The following LINC00237 variants were observed in gnomAD, a reference collection of about 807,000 sequenced individuals.
LINC00237 encodes the protein long intergenic non-protein coding RNA 237.
At chr20:21,104,668 T>C (rs906928653) in intron 1 of LINC00237, among the ~76,000 whole-genome samples, 54 of 152,198 alleles carry the variant, frequency 3.5e-4, no homozygotes, top group African/African-American at 1.2e-3. Flanking sequence ...AAGGGTTTTG[T>C]GTGTTCCAAA....
At chr20:21,098,810 A>T (rs1302754215) in intron 1 of LINC00237, among the ~76,000 whole-genome samples, 1 of 152,254 alleles carries the variant, frequency 6.6e-6, no homozygotes, top group Non-Finnish European at 1.5e-5. Context: ...GGTGCAGAAC[A>T]ATTCCAGGGT....
chr20:21,095,131 T>C (rs771230990), intron 1 of LINC00237, among the ~76,000 whole-genome samples: 7 of 152,174 alleles, frequency 4.6e-5, no homozygotes, highest in Non-Finnish European at 4.4e-5. Context: ...GTGGCTTGCT[T>C]TGACCAGTAG....
chr20:21,104,066 C>T (rs1160834007), intron 1 of LINC00237, among the ~76,000 whole-genome samples: 1 of 149,676 alleles, frequency 6.7e-6, no homozygotes, highest in Non-Finnish European at 1.5e-5. Context: ...CTAGGACCTT[C>T]CCAGTCCAGC....
At chr20:21,094,077 A>G (rs2030825238) in intron 1 of LINC00237, among the ~76,000 whole-genome samples, 2 of 152,224 alleles carry the variant, frequency 1.3e-5, no homozygotes, top group Non-Finnish European at 2.9e-5. Context: ...TCCAGTGAGA[A>G]CAAATTTGGC....
chr20:21,086,893 CT>C (rs1274958012), intron 3 of LINC00237, among the ~76,000 whole-genome samples: 1 of 131,092 alleles, frequency 7.6e-6, no homozygotes, highest in Non-Finnish European at 1.6e-5. Flanking sequence ...TATATATGTA[CT>C]ATATATAGTA....
chr20:21,103,765 C>A (rs2030962862), intron 1 of LINC00237, among the ~76,000 whole-genome samples: 1 of 152,196 alleles, frequency 6.6e-6, no homozygotes, highest in Non-Finnish European at 1.5e-5. Flanking sequence ...GGTAGCACCG[C>A]TGGCGTCCTG....
chr20:21,105,767 C>A (rs2030990967), intron 1 of LINC00237, among the ~76,000 whole-genome samples: 1 of 152,226 alleles, frequency 6.6e-6, no homozygotes. Context: ...TTGCGGGCGT[C>A]TCTCTGCCTC....
At chr20:21,086,685 A>ATATGTATAGTATAATATATATGTATAG (rs374333750) in intron 3 of LINC00237, among the ~76,000 whole-genome samples, 1 of 94,978 alleles carries the variant, frequency 1.1e-5, no homozygotes, top group Non-Finnish European at 1.9e-5. Context: ...AGTATACTAC[A>ATATGTATAGTATAATATATATGTATAG]TATACATATG....
rs927653871 is a variant in LINC00237, at chr20:21,101,863, G to T, written n.88+4408C>A. On this transcript the variant is annotated intron_variant and non_coding_transcript_variant, in intron 1 of 3. Coordinates refer to ENST00000691244, the Ensembl canonical transcript of LINC00237. The surrounding 1 kb of genome is among the most constrained non-coding windows in gnomAD (Gnocchi z 4.3). ...GTGCAGGGGCCAGAGGCTGGCGGGG[G>T]CACGCGGGGGTGGTTGGGGGCGGAG... 2.0e-5 allele frequency among the ~76,000 whole-genome samples: 3 copies of T among 152,114 alleles called. No individual in the cohort carries two copies. The highest frequency in any genetic ancestry group is 7.2e-5 in the African/African-American group (3 of 41,442).
intron 1 of LINC00237, among the ~76,000 whole-genome samples, chr20:21,103,325 G>A (rs2030957642): frequency 1.3e-5 from 2 of 151,936 alleles, no homozygotes; most frequent in Admixed American, 1.3e-4. Flanking sequence ...CCATCTCAAA[G>A]TTGGCGGGTG....
At position 21,091,363 on chromosome 20, in the gene LINC00237, A is replaced by T. The variant is rs150401214; in HGVS notation, n.472+2106T>A. On this transcript the variant is annotated intron_variant and non_coding_transcript_variant, in intron 2 of 3. Transcript: ENST00000691244. ...CAAACCACTGCACAGGACCATTTTA[A>T]TCTTTCATTACAGACACTTCTATGG... Among the ~76,000 whole-genome samples the T allele has an allele frequency of 2.6e-4, 40 of 152,292 alleles. 2 individuals carry two copies. The East Asian group carries it at 6.9e-3, about 26-fold the overall frequency.
chr20:21,086,367 C>T (rs868576469), intron 3 of LINC00237, among the ~76,000 whole-genome samples: 1 of 151,618 alleles, frequency 6.6e-6, no homozygotes, highest in Non-Finnish European at 1.5e-5. Context: ...AAAGGAACTT[C>T]GTTTGATATT....
chr20:21,092,630 T>C (rs1204976986), intron 2 of LINC00237, among the ~76,000 whole-genome samples: 1 of 152,156 alleles, frequency 6.6e-6, no homozygotes, highest in Non-Finnish European at 1.5e-5. Flanking sequence ...CACCAAAAGA[T>C]TCTTTTCAAT....
intron 1 of LINC00237, among the ~76,000 whole-genome samples, chr20:21,095,263 C>T (rs1023372821): frequency 2.6e-5 from 4 of 152,090 alleles, no homozygotes; most frequent in Non-Finnish European, 5.9e-5. Context: ...TGCTAGGGTA[C>T]AGAATGATTA....
intron 1 of LINC00237, among the ~76,000 whole-genome samples, chr20:21,102,656 A>G (rs2030946480): frequency 6.6e-6 from 1 of 151,342 alleles, no homozygotes; most frequent in African/African-American, 2.4e-5. Flanking sequence ...CCCTTGGCAC[A>G]GAAGAACGGA....
chr20:21,089,959 A>G (rs545562308), intron 2 of LINC00237: 1 of 152,356 alleles, frequency 6.6e-6, no homozygotes, highest in African/African-American at 2.4e-5. Flanking sequence ...AATGAAATAC[A>G]GCAATACAAA....
intron 2 of LINC00237, among the ~76,000 whole-genome samples, chr20:21,091,619 T>C (rs1420228753): frequency 6.6e-6 from 1 of 152,188 alleles, no homozygotes; most frequent in Non-Finnish European, 1.5e-5. Flanking sequence ...TGGAGAAGGT[T>C]TAACGACTCC....
intron 2 of LINC00237, chr20:21,093,367 A>G (rs1157195506): frequency 6.6e-6 from 1 of 152,224 alleles, no homozygotes; most frequent in African/African-American, 2.4e-5. Flanking sequence ...CAGTAGGAGC[A>G]TCTGAGGAAG....
At chr20:21,100,338 A>T (rs1259834802) in intron 1 of LINC00237, among the ~76,000 whole-genome samples, 1 of 152,210 alleles carries the variant, frequency 6.6e-6, no homozygotes, top group African/African-American at 2.4e-5. Flanking sequence ...ATGTCAAATA[A>T]AACATTGGCT....
Sources: gnomAD v4.1 joint callset for allele counts (sites outside exome capture counted in the v4.1 genomes callset) on GRCh38, gnomAD v4.1.1 for gene constraint, Gnocchi (gnomAD v3.1) non-coding constraint, MANE v1.5 for transcripts, NCBI Gene and HGNC (gene_info 2026-07-23, HGNC 2026-07-21) for gene names.